The following UBL3 variants were observed in gnomAD, a reference collection of about 807,000 sequenced individuals.
The protein encoded by UBL3 is ubiquitin like 3, also known as ubiquitin-like protein 3.
In UBL3, 6 loss-of-function variants were observed where a neutral mutation model predicts 18.4. That is an observed-to-expected ratio of 0.33 (90% CI 0.18 to 0.64). The LOEUF (loss-of-function observed/expected upper bound fraction) is 0.64. UBL3 is among the 30% of genes least tolerant of loss of function. The pLI, the probability that UBL3 is intolerant of heterozygous loss-of-function variation, is 0.76. For synonymous variants in UBL3, 49 were observed against 46.6 expected (o/e 1.05, Z -0.21); for missense variants, 109 against 142.9 (o/e 0.76, Z 1.21).
At chr13:29,810,878 T>C (rs1305166378) in intron 1 of UBL3, among the ~76,000 whole-genome samples, 1 of 152,128 alleles carries the variant, frequency 6.6e-6, no homozygotes, top group Non-Finnish European at 1.5e-5. Flanking sequence ...TGTGGGAATG[T>C]GTTCTTTTGC....
intron 1 of UBL3, among the ~76,000 whole-genome samples, chr13:29,826,009 C>T (rs1878609221): frequency 6.6e-6 from 1 of 152,162 alleles, no homozygotes; most frequent in Admixed American, 6.5e-5. Flanking sequence ...TATTGATTTG[C>T]ATATGCTGAA....
chr13:29,820,841 T>C (rs1307459593), intron 1 of UBL3, among the ~76,000 whole-genome samples: 1 of 152,220 alleles, frequency 6.6e-6, no homozygotes, highest in Non-Finnish European at 1.5e-5. Flanking sequence ...CACATGCATA[T>C]ATAAAATGAA....
chr13:29,823,639 C>T (rs1360260142), intron 1 of UBL3, among the ~76,000 whole-genome samples: 1 of 152,160 alleles, frequency 6.6e-6, no homozygotes, highest in African/African-American at 2.4e-5. Context: ...CTAGTTGACA[C>T]TGCATAATGA....
At chr13:29,797,941 CTG>C (rs970384462) in intron 1 of UBL3, among the ~76,000 whole-genome samples, 17 of 151,902 alleles carry the variant, frequency 1.1e-4, no homozygotes, top group African/African-American at 4.1e-4. Context: ...CTCTATTCCT[CTG>C]TCTTTGCTTC....
At chr13:29,846,967 T>C (rs1879242659) in intron 1 of UBL3, among the ~76,000 whole-genome samples, 1 of 152,210 alleles carries the variant, frequency 6.6e-6, no homozygotes, top group Non-Finnish European at 1.5e-5. Flanking sequence ...GTGGGAGTGG[T>C]GAGAGGAGCT....
intron 1 of UBL3, among the ~76,000 whole-genome samples, chr13:29,796,733 T>C (rs1035553148): frequency 2.1e-4 from 32 of 152,190 alleles, no homozygotes; most frequent in Admixed American, 1.9e-3. Context: ...ATGGCTATAA[T>C]CAAAAACGCT....
chr13:29,835,170 A>C (rs1211902503), intron 1 of UBL3, among the ~76,000 whole-genome samples: 3 of 63,214 alleles, frequency 4.7e-5, no homozygotes, highest in Non-Finnish European at 8.5e-5. Context: ...ATATATATAT[A>C]TATATATATA....
At chr13:29,790,232 T>C (rs1324897392) in intron 1 of UBL3, among the ~76,000 whole-genome samples, 1 of 152,192 alleles carries the variant, frequency 6.6e-6, no homozygotes, top group South Asian at 2.1e-4. Flanking sequence ...ATAGGACACA[T>C]AAACATTCAA....
rs1877035467 is a variant in UBL3, at chr13:29,777,632, T to C, written c.28-369A>G. ...CAAAAATTAATAAAAATGTTGACAC[T>C]GCAGGTCTCGTCACTAAACAGAAAA... is the stretch of plus-strand genomic sequence containing the variant. On this transcript the variant is annotated intron_variant, in intron 1 of 4. Transcript: ENST00000380680. The C allele has an allele frequency of 1.3e-5, 3 of 223,410 alleles. No individual in the cohort carries two copies. In the South Asian group the frequency reaches 1.9e-4, roughly 14 times the overall value. 13.8% of individuals were successfully genotyped at this position (223,410 alleles called of 1,614,324 possible). A position where few individuals can be genotyped will look rare whatever the true frequency, so the allele number is the denominator to read the frequency against.
At chr13:29,789,936 G>T (rs1163847702) in intron 1 of UBL3, among the ~76,000 whole-genome samples, 1 of 152,158 alleles carries the variant, frequency 6.6e-6, no homozygotes, top group Admixed American at 6.5e-5. Context: ...TATACCCAGA[G>T]ATGGTCTTTA....
chr13:29,837,879 G>C (rs1048673099), intron 1 of UBL3, among the ~76,000 whole-genome samples: 7 of 150,252 alleles, frequency 4.7e-5, no homozygotes, highest in African/African-American at 1.7e-4. Context: ...GCAGGGAACT[G>C]AAATTGCACC....
chr13:29,815,326 T>C (rs1410158768), intron 1 of UBL3, among the ~76,000 whole-genome samples: 2 of 152,112 alleles, frequency 1.3e-5, no homozygotes, highest in Non-Finnish European at 2.9e-5. Flanking sequence ...TCTCATATAA[T>C]AAATCAGCTT....
chr13:29,767,277 C>G lies in UBL3; in HGVS notation c.332G>C (p.Ser111Thr). The G allele has an allele frequency of 6.2e-7, 1 of 1,613,230 alleles. No homozygotes were observed. Among genetic ancestry groups the G allele is most frequent in the Non-Finnish European group, 8.5e-7 (1 of 1,179,388 alleles). The change falls in exon 5 of 5, where the codon AGT becomes ACT. Residue 111 changes from serine (S) to threonine (T), a missense_variant. Coordinates refer to ENST00000380680, the MANE Select transcript of UBL3 (RefSeq NM_007106.4). Reference sequence around the variant, plus strand: ...TGTTTACAGGATTACACAACAATTACTCTCTCCAGTCTTCTCACGATTCCT... The same window carrying G: ...TGTTTACAGGATTACACAACAATTAGTCTCTCCAGTCTTCTCACGATTCCT... The part of the protein sequence containing the change: ...GQRNREKTGE[S>T]NCCVIL
At chr13:29,829,389 C>T (rs1004265473) in intron 1 of UBL3, among the ~76,000 whole-genome samples, 11 of 151,718 alleles carry the variant, frequency 7.3e-5, no homozygotes, top group East Asian at 1.9e-4. Flanking sequence ...TCAGCAATGG[C>T]GGGCGCCCCT....
intron 4 of UBL3, 121 bp from the exon 5 acceptor site, chr13:29,767,428 A>G: frequency 3.8e-6 from 5 of 1,314,546 alleles, no homozygotes; most frequent in Non-Finnish European, 4.2e-6. Context: ...GCATTTTTCA[A>G]AATTAAGAAG....
chr13:29,814,159 G>A (rs1450420154), intron 1 of UBL3, among the ~76,000 whole-genome samples: 1 of 151,804 alleles, frequency 6.6e-6, no homozygotes, highest in Non-Finnish European at 1.5e-5. Context: ...ATGTTATTTT[G>A]CTGTAGATTT....
chr13:29,801,819 C>T (rs1877774981), intron 1 of UBL3, among the ~76,000 whole-genome samples: 3 of 152,192 alleles, frequency 2.0e-5, no homozygotes, highest in African/African-American at 7.2e-5. Flanking sequence ...ATGCAGCCAC[C>T]CCACCCCAGG....
At chr13:29,816,324 T>C (rs1878280019) in intron 1 of UBL3, among the ~76,000 whole-genome samples, 1 of 152,144 alleles carries the variant, frequency 6.6e-6, no homozygotes, top group Non-Finnish European at 1.5e-5. Context: ...TTTAGGGAAT[T>C]TACTTTTAGA....
In UBL3 at chr13:29,849,642, G is replaced by A; in HGVS notation, c.-104C>T. ...AATAAACCACGATTTTGACTGGTTCGTGATGTGCTTTCTCCCCCAAAAATA... is the reference window on the plus strand; with the variant it reads ...AATAAACCACGATTTTGACTGGTTCATGATGTGCTTTCTCCCCCAAAAATA... On this transcript the variant is annotated 5_prime_UTR_variant, in exon 1 of 5. In the 5' UTR this introduces an upstream ATG that the reference lacks. Transcript: ENST00000380680. 1 of 1,436,806 alleles carries A rather than the reference G, an allele frequency of 7.0e-7. No individual in the cohort carries two copies. Among genetic ancestry groups the A allele is most frequent in the Admixed American group, 1.7e-5 (1 of 57,368 alleles). The allele number at this position is 1,436,806 out of a possible 1,614,324, so 89.0% of individuals were successfully genotyped here. A position where few individuals can be genotyped will look rare whatever the true frequency, so the allele number is the denominator to read the frequency against.
Sources: gnomAD v4.1 joint callset for allele counts (sites outside exome capture counted in the v4.1 genomes callset) on GRCh38, gnomAD v4.1.1 for gene constraint, MANE v1.5 for transcripts, NCBI Gene and HGNC (gene_info 2026-07-23, HGNC 2026-07-21) for gene names.